Variants in MAGI1 observed in about 807,000 individuals in gnomAD.
MAGI1 encodes the protein membrane-associated guanylate kinase, WW and PDZ domain-containing protein 1.
MAGI1 carries 58 observed loss-of-function variants against 139.9 expected under a neutral mutation model. The observed-to-expected ratio is 0.41, with a 90% CI of 0.34 to 0.52. The LOEUF (loss-of-function observed/expected upper bound fraction) is 0.52. Ranked by LOEUF, MAGI1 falls within the 20% of genes least tolerant of loss-of-function variation. MAGI1 has a pLI of 0.12. For missense variants in MAGI1, 1,874 were observed against 1,901.6 expected, an observed-to-expected ratio of 0.99 and a Z score of 0.27; for synonymous variants, 812 against 737.9, an observed-to-expected ratio of 1.10 and a Z score of -1.63.
At chr3:65,590,783 C>G (rs1331475678) in intron 2 of MAGI1, among the ~76,000 whole-genome samples, 1 of 152,136 alleles carries the variant, frequency 6.6e-6, no homozygotes, top group Non-Finnish European at 1.5e-5. Flanking sequence ...CTTCCAGAAT[C>G]TAGACAGAGC....
chr3:66,038,422 A>C lies in MAGI1; in HGVS notation c.-114T>G. Reference sequence around the variant, plus strand: ...AGAAACATCTCTCCCCAAATCACAAAACAGGAGAGAGAAACTTGGCAGCCT... The same window carrying C: ...AGAAACATCTCTCCCCAAATCACAACACAGGAGAGAGAAACTTGGCAGCCT... On this transcript the variant is annotated 5_prime_UTR_variant, in exon 1 of 23. Transcript: ENST00000402939. 5.1e-6 allele frequency: 7 copies of C among 1,383,788 alleles called. No individual in the cohort carries two copies. Among genetic ancestry groups the C allele is most frequent in the Non-Finnish European group, 6.7e-6 (7 of 1,046,876 alleles). The allele number at this position is 1,383,788 out of a possible 1,614,324, so 85.7% of individuals were successfully genotyped here.
At chr3:65,746,986 C>A (rs139493329) in intron 1 of MAGI1, among the ~76,000 whole-genome samples, 1 of 152,132 alleles carries the variant, frequency 6.6e-6, no homozygotes, top group East Asian at 1.9e-4. Context: ...TAATGGAAGA[C>A]GCCTTGATGA....
intron 1 of MAGI1, among the ~76,000 whole-genome samples, chr3:65,948,936 C>A (rs1424722647): frequency 1.3e-5 from 2 of 152,318 alleles, no homozygotes; most frequent in South Asian, 2.1e-4. Context: ...TCTCCACAGT[C>A]TCTTCCAACT....
intron 1 of MAGI1, among the ~76,000 whole-genome samples, chr3:65,917,841 A>G (rs952372817): frequency 6.6e-6 from 1 of 152,216 alleles, no homozygotes; most frequent in Non-Finnish European, 1.5e-5. Context: ...GTATATTATA[A>G]TGGTGGACAC....
intron 1 of MAGI1, among the ~76,000 whole-genome samples, chr3:66,016,670 A>G (rs1367272777): frequency 1.3e-5 from 2 of 152,364 alleles, no homozygotes; most frequent in African/African-American, 2.4e-5. Context: ...AGGTCAGGAC[A>G]TCAAGAAAAT....
chr3:65,556,050 T>G (rs2080071990), intron 2 of MAGI1, among the ~76,000 whole-genome samples: 1 of 152,214 alleles, frequency 6.6e-6, no homozygotes, highest in African/African-American at 2.4e-5. Context: ...GTTTCTGTGA[T>G]AGGGAGAGAT....
At chr3:65,417,036 G>A (rs1367182624) in intron 12 of MAGI1, among the ~76,000 whole-genome samples, 1 of 152,108 alleles carries the variant, frequency 6.6e-6, no homozygotes, top group Non-Finnish European at 1.5e-5. Flanking sequence ...TTTACACATG[G>A]TAAACTCTGT....
chr3:65,819,088 C>CTACATGGTCTCGA (rs1332505366), intron 1 of MAGI1, among the ~76,000 whole-genome samples: 1 of 152,168 alleles, frequency 6.6e-6, no homozygotes, highest in Admixed American at 6.5e-5. Flanking sequence ...AGTTCGAGAC[C>CTACATGGTCTCGA]AGCTTGGCCT....
At chr3:65,708,057 T>C (rs2030695333) in intron 1 of MAGI1, among the ~76,000 whole-genome samples, 1 of 152,174 alleles carries the variant, frequency 6.6e-6, no homozygotes, top group South Asian at 2.1e-4. Flanking sequence ...TCTACATATG[T>C]CCTATTTACC....
chr3:65,824,838 T>A (rs1011890011), intron 1 of MAGI1, among the ~76,000 whole-genome samples: 1 of 152,324 alleles, frequency 6.6e-6, no homozygotes, highest in Admixed American at 6.5e-5. Flanking sequence ...CTGAAAAATG[T>A]CATATTTTTT....
At chr3:66,031,293 C>T (rs2068578859) in intron 1 of MAGI1, among the ~76,000 whole-genome samples, 1 of 152,192 alleles carries the variant, frequency 6.6e-6, no homozygotes, top group Non-Finnish European at 1.5e-5. Flanking sequence ...GAGAGTGGTG[C>T]TTTGCATTAA....
chr3:65,719,548 CTT>C (rs60382042), intron 1 of MAGI1, among the ~76,000 whole-genome samples: 50 of 140,452 alleles, frequency 3.6e-4, no homozygotes, highest in Admixed American at 4.3e-4. Flanking sequence ...TACTCAACCT[CTT>C]TTTTTTTTTT....
At chr3:65,707,100 G>A (rs943335922) in intron 1 of MAGI1, among the ~76,000 whole-genome samples, 5 of 152,160 alleles carry the variant, frequency 3.3e-5, no homozygotes, top group African/African-American at 9.7e-5. Context: ...TGTGTTTGCC[G>A]TAGTTACTGT....
chr3:65,463,455 C>T (rs1949950278), intron 5 of MAGI1, among the ~76,000 whole-genome samples: 1 of 152,060 alleles, frequency 6.6e-6, no homozygotes, highest in Admixed American at 6.5e-5. Context: ...ATGAAGCTGA[C>T]TTGATCGTGG....
intron 1 of MAGI1, among the ~76,000 whole-genome samples, chr3:65,851,772 C>T (rs2059212375): frequency 1.3e-5 from 2 of 151,896 alleles, no homozygotes; most frequent in African/African-American, 4.8e-5. Context: ...GTTAGGCTAA[C>T]ATGTACATAC....
intron 11 of MAGI1, 93 bp from the exon 12 acceptor site, chr3:65,430,233 G>T: frequency 1.1e-5 from 14 of 1,261,942 alleles, no homozygotes; most frequent in Non-Finnish European, 1.6e-5. Context: ...AAGCTGAACT[G>T]AAACTGCATG....
At chr3:65,444,300 TCC>T (rs1192085673) in intron 7 of MAGI1, among the ~76,000 whole-genome samples, 1 of 152,052 alleles carries the variant, frequency 6.6e-6, no homozygotes, top group Admixed American at 6.6e-5. Flanking sequence ...GGAAATGCTT[TCC>T]CCTTACAAAG....
intron 2 of MAGI1, among the ~76,000 whole-genome samples, chr3:65,618,362 C>T (rs931989693): frequency 6.6e-5 from 10 of 152,044 alleles, no homozygotes; most frequent in African/African-American, 2.4e-4. Context: ...ATAAGATAAA[C>T]TTAGATATGC....
chr3:65,364,820 C>G, intron 19 of MAGI1, 33 bp downstream of exon 19: 1 of 1,611,538 alleles, frequency 6.2e-7, no homozygotes, highest in Non-Finnish European at 8.5e-7. Flanking sequence ...TTACTTTTTT[C>G]CCCTTTAACA....
Sources: allele counts gnomAD v4.1 joint callset (sites outside exome capture counted in the v4.1 genomes callset), GRCh38; gene constraint gnomAD v4.1.1; transcripts MANE v1.5; gene names NCBI Gene and HGNC (gene_info 2026-07-23, HGNC 2026-07-21).